Variants in CTNNA2 observed in about 807,000 individuals in gnomAD.
The protein encoded by CTNNA2 is catenin alpha-2.
In CTNNA2, 42 loss-of-function variants were observed where a neutral mutation model predicts 101.0. The observed-to-expected ratio is 0.42, with a 90% CI of 0.32 to 0.54. The LOEUF (loss-of-function observed/expected upper bound fraction) is 0.54, where lower values mean the gene tolerates loss of function less well. CTNNA2 is among the 20% of genes least tolerant of loss of function. The pLI, the probability that CTNNA2 is intolerant of heterozygous loss-of-function variation, is 0.14. For missense variants in CTNNA2, 871 were observed against 1,223.1 expected, an observed-to-expected ratio of 0.71 and a Z score of 4.29; for synonymous variants, 450 against 456.4, an observed-to-expected ratio of 0.99 and a Z score of 0.18.
At chr2:79,415,836 T>G (rs1021884806) in intron 4 of CTNNA2, among the ~76,000 whole-genome samples, 1 of 152,138 alleles carries the variant, frequency 6.6e-6, no homozygotes, top group Non-Finnish European at 1.5e-5. Context: ...GTAGGTAAAA[T>G]CTTCAGAAAT....
At chr2:80,643,011 C>A (rs1430082227) in intron 18 of CTNNA2, among the ~76,000 whole-genome samples, 1 of 152,006 alleles carries the variant, frequency 6.6e-6, no homozygotes, top group African/African-American at 2.4e-5. Flanking sequence ...GCTCTCCTGC[C>A]CCTATTTGCT....
Position 80,079,682 on chromosome 2 carries a change from C to T in CTNNA2, c.1056+169885C>T, listed in dbSNP as rs1164315301. Among the ~76,000 whole-genome samples, 10 of 151,824 alleles carry T rather than the reference C, an allele frequency of 6.6e-5. No individual in the cohort carries two copies. The South Asian group carries it at 8.3e-4, about 13-fold the overall frequency. On this transcript the variant is annotated intron_variant, in intron 7 of 18. Coordinates refer to ENST00000402739, the MANE Select transcript of CTNNA2 (RefSeq NM_001282597.3). ...CAAAAAAATTAGCCGGGCGTGGTGG[C>T]GGGCGCCTGTAGTCACAGCTACTCG...
At chr2:79,886,716 A>T (rs1683896038) in intron 6 of CTNNA2, among the ~76,000 whole-genome samples, 2 of 113,912 alleles carry the variant, frequency 1.8e-5, no homozygotes, top group Non-Finnish European at 3.4e-5. Context: ...ACGCCACTGC[A>T]CTCCAGCCTG....
chr2:79,766,589 CT>C (rs1673173609), intron 3 of CTNNA2, among the ~76,000 whole-genome samples: 1 of 152,144 alleles, frequency 6.6e-6, no homozygotes, highest in African/African-American at 2.4e-5. Flanking sequence ...GAGAAGTTCT[CT>C]GTTATTATCC....
chr2:79,738,078 G>A (rs1671026206), intron 2 of CTNNA2, among the ~76,000 whole-genome samples: 1 of 152,222 alleles, frequency 6.6e-6, no homozygotes, highest in Non-Finnish European at 1.5e-5. Context: ...TTGTGCAGGA[G>A]TGGTAGGTCA....
intron 17 of CTNNA2, among the ~76,000 whole-genome samples, chr2:80,618,260 T>C (rs1699015796): frequency 6.6e-6 from 1 of 151,852 alleles, no homozygotes; most frequent in Admixed American, 6.6e-5. Context: ...GTCATGTAAC[T>C]TGACCTCTGA....
intron 7 of CTNNA2, among the ~76,000 whole-genome samples, chr2:80,091,956 C>T (rs971184554): frequency 6.0e-4 from 92 of 152,094 alleles, no homozygotes; most frequent in African/African-American, 2.0e-3. Flanking sequence ...AGACATACCC[C>T]ATGTTTGTTA....
rs1682451231 is a variant in CTNNA2, at chr2:79,869,849, A to G, written c.499A>G (p.Thr167Ala). 1.9e-6 allele frequency: 3 copies of G among 1,614,172 alleles called. No homozygotes were observed. Among genetic ancestry groups the G allele is most frequent in the Non-Finnish European group, 2.5e-6 (3 of 1,180,022 alleles). ...EEALEAVKNATNEQDLANRFK... is the reference protein window; with the variant it reads ...EEALEAVKNAANEQDLANRFK... ...GGCCCTGGAAGCTGTCAAAAATGCT[A>G]CAAATGAGCAAGACCTTGCAAACCG... The change falls in exon 5 of 19, where the codon ACA (threonine) becomes GCA (alanine). Residue 167 changes from threonine to alanine, a missense_variant. Transcript: ENST00000402739.
intron 9 of CTNNA2, among the ~76,000 whole-genome samples, chr2:80,432,080 A>C (rs1472674498): frequency 6.6e-6 from 1 of 152,148 alleles, no homozygotes. Context: ...AATTAATATA[A>C]AAATTACTAG....
At chr2:79,301,062 G>A (rs1676097199) in intron 2 of CTNNA2, among the ~76,000 whole-genome samples, 1 of 152,078 alleles carries the variant, frequency 6.6e-6, no homozygotes, top group Non-Finnish European at 1.5e-5. Context: ...AACTTCACTT[G>A]AATTTGGACT....
intron 1 of CTNNA2, among the ~76,000 whole-genome samples, chr2:79,560,980 T>C (rs1324836171): frequency 6.6e-6 from 1 of 151,970 alleles, no homozygotes; most frequent in African/African-American, 2.4e-5. Flanking sequence ...GTGTACAATA[T>C]AGTGGTTTCT....
intron 2 of CTNNA2, among the ~76,000 whole-genome samples, chr2:79,701,194 G>A (rs1187033760): frequency 6.6e-6 from 1 of 152,090 alleles, no homozygotes; most frequent in African/African-American, 2.4e-5. Flanking sequence ...TTATGAAACA[G>A]TGCCACTTGT....
chr2:79,944,362 G>T (rs1688351357), intron 7 of CTNNA2, among the ~76,000 whole-genome samples: 1 of 152,148 alleles, frequency 6.6e-6, no homozygotes. Context: ...TATTAATTCA[G>T]TAAACAAGTC....
At chr2:79,897,904 G>T (rs1684822610) in intron 6 of CTNNA2, among the ~76,000 whole-genome samples, 1 of 152,228 alleles carries the variant, frequency 6.6e-6, no homozygotes. Flanking sequence ...AAGGCAGAAG[G>T]GCAAGCTAGC....
Position 79,700,702 on chromosome 2 carries a change from C to T in CTNNA2, c.103-43685C>T, listed in dbSNP as rs373055484. Among the ~76,000 whole-genome samples, 3 of 152,084 alleles carry T rather than the reference C, an allele frequency of 2.0e-5. No homozygotes were observed. The East Asian group carries it at 5.8e-4, about 29-fold the overall frequency. On this transcript the variant is annotated intron_variant, in intron 2 of 18. Transcript: ENST00000402739. ...ACGGCTCTTGTTTATTAACACCACCCAGGGAATTGAGGGAATAGAGGTGGG... is the reference window on the plus strand; with the variant it reads ...ACGGCTCTTGTTTATTAACACCACCTAGGGAATTGAGGGAATAGAGGTGGG...
At chr2:79,455,185 C>T (rs1325294514) in intron 4 of CTNNA2, among the ~76,000 whole-genome samples, 1 of 152,128 alleles carries the variant, frequency 6.6e-6, no homozygotes, top group African/African-American at 2.4e-5. Context: ...GAATCTAAGG[C>T]AAACATTATT....
At chr2:79,911,764 A>G (rs1489931556) in intron 7 of CTNNA2, among the ~76,000 whole-genome samples, 1 of 152,238 alleles carries the variant, frequency 6.6e-6, no homozygotes, top group Non-Finnish European at 1.5e-5. Flanking sequence ...AAAGCCTGAA[A>G]TAAAACACCT....
At chr2:79,844,979 T>TACACAC (rs59885288) in intron 3 of CTNNA2, among the ~76,000 whole-genome samples, 14,019 of 140,196 alleles carry the variant, frequency 0.1, 832 homozygotes, top group Non-Finnish European at 0.12. Flanking sequence ...GAAAACAAAC[T>TACACAC]ACACACACAC....
At chr2:80,115,994 G>A (rs1701491582) in intron 7 of CTNNA2, among the ~76,000 whole-genome samples, 1 of 152,044 alleles carries the variant, frequency 6.6e-6, no homozygotes, top group African/African-American at 2.4e-5. Flanking sequence ...TTAAGCTATC[G>A]ACACATATAT....
Sources: allele counts gnomAD v4.1 joint callset (sites outside exome capture counted in the v4.1 genomes callset), GRCh38; gene constraint gnomAD v4.1.1; transcripts MANE v1.5; gene names NCBI Gene and HGNC (gene_info 2026-07-23, HGNC 2026-07-21).